Variants in SLIT3 observed in about 807,000 individuals in gnomAD.
The protein encoded by SLIT3 is slit homolog 3 protein.
In SLIT3, 68 loss-of-function variants were observed where a neutral mutation model predicts 184.0. The observed-to-expected ratio is 0.37, with a 90% confidence interval of 0.30 to 0.45. The LOEUF (loss-of-function observed/expected upper bound fraction) is 0.45. SLIT3 is among the 20% of genes least tolerant of loss of function. The probability of loss-of-function intolerance (pLI) is 1.00; values close to 1 mark genes in which losing one functional copy is unlikely to be tolerated. For synonymous variants in SLIT3, 831 were observed against 828.6 expected (o/e 1.00, Z -0.05); for missense variants, 1,707 against 2,026.0 (o/e 0.84, Z 3.02).
chr5:169,173,399 C>T (rs918019556), intron 4 of SLIT3, among the ~76,000 whole-genome samples: 2 of 152,096 alleles, frequency 1.3e-5, no homozygotes, highest in Admixed American at 6.5e-5. Context: ...GAAAGGAGTA[C>T]GTAAGGAGTG....
chr5:168,944,300 G>A (rs1762411008), intron 4 of SLIT3, among the ~76,000 whole-genome samples: 1 of 152,104 alleles, frequency 6.6e-6, no homozygotes, highest in Non-Finnish European at 1.5e-5. Flanking sequence ...GTTAGCAGGA[G>A]AGGAGTGAGA....
chr5:168,981,199 C>T (rs917836028), intron 4 of SLIT3, among the ~76,000 whole-genome samples: 14 of 152,178 alleles, frequency 9.2e-5, no homozygotes, highest in African/African-American at 2.9e-4. Context: ...AAAGTTGCTA[C>T]AATTTGTGTA....
In SLIT3 at chr5:168,795,949, A is replaced by C. The variant is rs537100278; in HGVS notation, c.936-371T>G. 2.6e-5 allele frequency among the ~76,000 whole-genome samples: 4 copies of C among 152,314 alleles called. No homozygotes were observed. The South Asian group carries it at 8.3e-4, about 32-fold the overall frequency. On this transcript the variant is annotated intron_variant, in intron 9 of 35. Transcript: ENST00000519560. ...GATAAAGAGAAGGAAGAGTAAAAAG[A>C]GATGGACCATGGGCCAGCAATGCTT...
At chr5:169,084,836 G>T (rs1192925989) in intron 4 of SLIT3, among the ~76,000 whole-genome samples, 1 of 152,150 alleles carries the variant, frequency 6.6e-6, no homozygotes, top group African/African-American at 2.4e-5. Flanking sequence ...GCTGGGCCAA[G>T]TTGGCTTCCA....
chr5:169,263,441 G>A (rs1377724136), intron 1 of SLIT3, among the ~76,000 whole-genome samples: 3 of 151,956 alleles, frequency 2.0e-5, no homozygotes, highest in African/African-American at 7.2e-5. Context: ...GGAATGCCAA[G>A]GGCTGCTGGC....
intron 4 of SLIT3, among the ~76,000 whole-genome samples, chr5:168,884,423 T>TCA (rs369129500): frequency 0.013 from 1,809 of 137,784 alleles, 26 homozygotes; most frequent in African/African-American, 0.041. Context: ...TCTCTCTCTC[T>TCA]CTCTCACACA....
intron 3 of SLIT3, among the ~76,000 whole-genome samples, chr5:169,239,700 A>G (rs899011214): frequency 6.6e-6 from 1 of 151,896 alleles, no homozygotes; most frequent in African/African-American, 2.4e-5. Context: ...CTGTAATTTT[A>G]GTTGCTTCAA....
chr5:169,158,218 A>C (rs1278387608), intron 4 of SLIT3, among the ~76,000 whole-genome samples: 1 of 152,194 alleles, frequency 6.6e-6, no homozygotes, highest in Non-Finnish European at 1.5e-5. Context: ...GAAACCAGCA[A>C]GAGAGAAACA....
intron 4 of SLIT3, among the ~76,000 whole-genome samples, chr5:168,887,912 C>T (rs1055686616): frequency 1.6e-4 from 24 of 152,058 alleles, no homozygotes; most frequent in Admixed American, 6.6e-4. Flanking sequence ...GAATAAAATA[C>T]GTAAATGTTG....
At chr5:168,961,626 G>C (rs1206306055) in intron 4 of SLIT3, among the ~76,000 whole-genome samples, 2 of 152,176 alleles carry the variant, frequency 1.3e-5, no homozygotes, top group East Asian at 3.9e-4. Context: ...CGGTACCAGG[G>C]AACAGAACCT....
At chr5:169,266,437 A>G (rs998705573) in intron 1 of SLIT3, among the ~76,000 whole-genome samples, 1 of 152,206 alleles carries the variant, frequency 6.6e-6, no homozygotes, top group Non-Finnish European at 1.5e-5. Context: ...TGGAAATAAT[A>G]CGTGCCATTT....
chr5:168,793,307 A>G (rs1223780345), intron 10 of SLIT3, among the ~76,000 whole-genome samples: 1 of 150,390 alleles, frequency 6.6e-6, no homozygotes, highest in Non-Finnish European at 1.5e-5. Flanking sequence ...GTTGAGGGGG[A>G]AACTTCCTCC....
At chr5:168,805,833 C>T (rs1458403689) in intron 9 of SLIT3, among the ~76,000 whole-genome samples, 1 of 152,202 alleles carries the variant, frequency 6.6e-6, no homozygotes, top group African/African-American at 2.4e-5. Flanking sequence ...CACTATTTTA[C>T]AGAGTACCTG....
At chr5:168,806,380 TG>T (rs1561942940) in intron 9 of SLIT3, 65 bp downstream of exon 9, 14 of 1,582,576 alleles carry the variant, frequency 8.8e-6, no homozygotes, top group Non-Finnish European at 8.7e-6. Flanking sequence ...TAGTGGGTGA[TG>T]GGCTGGGACA....
intron 2 of SLIT3, among the ~76,000 whole-genome samples, chr5:169,247,247 C>T (rs74290745): frequency 6.6e-6 from 1 of 150,920 alleles, no homozygotes; most frequent in Non-Finnish European, 1.5e-5. Context: ...TTTCCCTTCT[C>T]GTCTTCCTTT....
rs1452417860 is a variant in SLIT3, at chr5:169,300,842, G to C, written c.-133C>G. On this transcript the variant is annotated 5_prime_UTR_variant, in exon 1 of 36. Coordinates refer to ENST00000519560, the MANE Select transcript of SLIT3 (RefSeq NM_003062.4). This position sits in a 1 kb window ranked among gnomAD's most constrained non-coding sequence, Gnocchi z 4.1. ...GTTAGCGCGGAGGAGGGGCGAGCTC[G>C]GTGCTCAGGCGCACGGGGCGCGGGC... 2.2e-6 allele frequency: 2 copies of C among 926,582 alleles called. No homozygotes were observed. The highest frequency in any genetic ancestry group is 3.9e-4 in the Middle Eastern group (1 of 2,556). 57.4% of individuals were successfully genotyped at this position (926,582 alleles called of 1,614,324 possible).
chr5:169,281,220 G>T (rs1766981477), intron 1 of SLIT3, among the ~76,000 whole-genome samples: 1 of 152,170 alleles, frequency 6.6e-6, no homozygotes, highest in South Asian at 2.1e-4. Context: ...GGGCGCAGTG[G>T]CTCATCCCAG....
chr5:168,850,895 A>T (rs189372925), intron 5 of SLIT3, among the ~76,000 whole-genome samples: 2 of 152,238 alleles, frequency 1.3e-5, no homozygotes, highest in African/African-American at 4.8e-5. Flanking sequence ...TGGAGAATAA[A>T]GAGGTGTTTT....
At chr5:168,795,046 T>A (rs956147890) in intron 10 of SLIT3, among the ~76,000 whole-genome samples, 1 of 152,222 alleles carries the variant, frequency 6.6e-6, no homozygotes, top group African/African-American at 2.4e-5. Flanking sequence ...GCTCTATCCA[T>A]AGATCCTTGC....
Sources: gnomAD v4.1 joint callset for allele counts (sites outside exome capture counted in the v4.1 genomes callset) on GRCh38, gnomAD v4.1.1 for gene constraint, Gnocchi (gnomAD v3.1) non-coding constraint, MANE v1.5 for transcripts, NCBI Gene and HGNC (gene_info 2026-07-23, HGNC 2026-07-21) for gene names.